ZFPM2: variants seen among roughly 807,000 people sequenced by gnomAD.
The protein encoded by ZFPM2 is zinc finger protein ZFPM2.
ZFPM2 carries 20 observed loss-of-function variants against 98.6 expected under a neutral mutation model. That is an observed-to-expected ratio of 0.20 (90% CI 0.14 to 0.29). The LOEUF is 0.29. Among genes scored for constraint, ZFPM2 ranks in the 10% least tolerant of loss-of-function variants. The pLI, the probability that ZFPM2 is intolerant of heterozygous loss-of-function variation, is 1.00. For missense variants in ZFPM2, 1,310 were observed against 1,388.6 expected (o/e 0.94, Z 0.90); for synonymous variants, 518 against 502.7 (o/e 1.03, Z -0.41).
rs1814019918 is a variant in ZFPM2 at position 105,801,640 on chromosome 8, A to G, written c.1558A>G (p.Met520Val). ...VPQASEILAK[M>V]SELVHRRLRH... ...TCAAGCTTCAGAGATCTTAGCTAAGATGTCTGAACTGGTGCATCGGCGACT... is the reference window on the plus strand; with the variant it reads ...TCAAGCTTCAGAGATCTTAGCTAAGGTGTCTGAACTGGTGCATCGGCGACT... The change falls in exon 8 of 8, where the codon ATG becomes GTG. Residue 520 changes from methionine (M) to valine (V), a missense_variant. Physicochemically the swap from Met to Val is conservative, Grantham distance 21 (BLOSUM62 1). Transcript: ENST00000407775. 6.2e-7 allele frequency: 1 copy of G among 1,613,458 alleles called. No homozygotes were observed. The highest frequency in any genetic ancestry group is 1.3e-5 in the African/African-American group (1 of 74,840).
Position 105,355,830 on chromosome 8 carries a change from G to A in ZFPM2, c.40+36849G>A, listed in dbSNP as rs78596460. On this transcript the variant is annotated intron_variant, in intron 1 of 7. Transcript: ENST00000407775. ...AGCATATTTTATAAATTTCAGGTAC[G>A]AACTTAATTATAATAATCACAATGC... is the stretch of plus-strand genomic sequence containing the variant. Among the ~76,000 whole-genome samples the A allele has an allele frequency of 4.8e-3, 725 of 152,248 alleles. 2 individuals carry two copies. Among genetic ancestry groups the A allele is most frequent in the Middle Eastern group, 0.01 (3 of 294 alleles).
At chr8:105,576,600 C>T (rs1815473299) in intron 4 of ZFPM2, among the ~76,000 whole-genome samples, 1 of 152,112 alleles carries the variant, frequency 6.6e-6, no homozygotes, top group Admixed American at 6.6e-5. Context: ...AGTGACACAT[C>T]CTGTCATATT....
intron 3 of ZFPM2, 23 bp downstream of exon 3, chr8:105,444,404 C>T: frequency 6.4e-7 from 1 of 1,566,412 alleles, no homozygotes; most frequent in Non-Finnish European, 8.7e-7. Context: ...ATTTAAAATT[C>T]AACCGTCTTT....
At chr8:105,585,366 G>T (rs557641659) in intron 4 of ZFPM2, among the ~76,000 whole-genome samples, 5 of 152,154 alleles carry the variant, frequency 3.3e-5, no homozygotes, top group African/African-American at 1.2e-4. Flanking sequence ...GCACTTTCTG[G>T]TTTCCTCTCT....
rs1813693070 is a variant in ZFPM2, at chr8:105,793,597, G to A, written c.739+4673G>A. Among the ~76,000 whole-genome samples the A allele has an allele frequency of 2.0e-5, 3 of 152,046 alleles. 1 individual carries two copies. Among genetic ancestry groups the A allele is most frequent in the Non-Finnish European group, 4.4e-5 (3 of 68,026 alleles). Reference sequence around the variant, plus strand: ...GCTCTTCTCAAGGAGAATCTTTGTGGTGTTCTCTGTATTTCCTGAATCTGA... The same window carrying A: ...GCTCTTCTCAAGGAGAATCTTTGTGATGTTCTCTGTATTTCCTGAATCTGA... On this transcript the variant is annotated intron_variant, in intron 6 of 7. Transcript: ENST00000407775.
chr8:105,459,833 T>C (rs753671952), intron 3 of ZFPM2, among the ~76,000 whole-genome samples: 19 of 152,082 alleles, frequency 1.2e-4, no homozygotes, highest in Admixed American at 2.6e-4. Flanking sequence ...CCTCAATATA[T>C]GAGTTTTGGG....
chr8:105,536,192 A>G (rs1467786011), intron 3 of ZFPM2, among the ~76,000 whole-genome samples: 1 of 152,158 alleles, frequency 6.6e-6, no homozygotes, highest in Non-Finnish European at 1.5e-5. Context: ...ACTTCTAAAG[A>G]CACCGGGTCA....
intron 1 of ZFPM2, among the ~76,000 whole-genome samples, chr8:105,338,995 A>G (rs1388168222): frequency 6.6e-6 from 1 of 151,818 alleles, no homozygotes; most frequent in East Asian, 1.9e-4. Context: ...ATCTCTCAGG[A>G]CTGGGGTTAG....
intron 4 of ZFPM2, among the ~76,000 whole-genome samples, chr8:105,578,980 G>A (rs1425684283): frequency 6.6e-6 from 1 of 151,934 alleles, no homozygotes; most frequent in Admixed American, 6.6e-5. Context: ...TATTCTGTGC[G>A]TTCTTATTTA....
At chr8:105,658,214 A>G (rs1379256881) in intron 5 of ZFPM2, among the ~76,000 whole-genome samples, 1 of 152,194 alleles carries the variant, frequency 6.6e-6, no homozygotes, top group Non-Finnish European at 1.5e-5. Context: ...TCTGCCAGAA[A>G]AGGAAGGACA....
At position 105,318,512 on chromosome 8, in the gene ZFPM2, G is replaced by C. The variant is rs1811950253; in HGVS notation, c.-430G>C. Reference sequence around the variant, plus strand: ...CGTCCCGCACGCCGGGGCGAGGGGCGAGCGAGCGCGCTCCTCCTCCCGCGC... The same window carrying C: ...CGTCCCGCACGCCGGGGCGAGGGGCCAGCGAGCGCGCTCCTCCTCCCGCGC... On this transcript the variant is annotated 5_prime_UTR_variant, in exon 1 of 8. Coordinates refer to ENST00000407775, the MANE Select transcript of ZFPM2 (RefSeq NM_012082.4). Among the ~76,000 whole-genome samples the C allele has an allele frequency of 6.7e-6, 1 of 149,774 alleles. No individual in the cohort carries two copies. The highest frequency in any genetic ancestry group is 6.6e-5 in the Admixed American group (1 of 15,108).
At chr8:105,386,375 A>G (rs1197044044) in intron 1 of ZFPM2, among the ~76,000 whole-genome samples, 2 of 152,142 alleles carry the variant, frequency 1.3e-5, no homozygotes, top group Non-Finnish European at 2.9e-5. Context: ...AGCACTGGCC[A>G]CACTAGTAAT....
intron 3 of ZFPM2, among the ~76,000 whole-genome samples, chr8:105,491,297 C>CAAT (rs1007282873): frequency 1.5e-4 from 22 of 151,688 alleles, no homozygotes; most frequent in East Asian, 3.9e-4. Context: ...TTAAGAAGCA[C>CAAT]AATAATAATA....
At chr8:105,485,514 T>G (rs1194039940) in intron 3 of ZFPM2, among the ~76,000 whole-genome samples, 1 of 152,054 alleles carries the variant, frequency 6.6e-6, no homozygotes, top group Non-Finnish European at 1.5e-5. Flanking sequence ...CGAGACTCTA[T>G]CTCTATAAAA....
chr8:105,452,586 A>C (rs1812506417), intron 3 of ZFPM2, among the ~76,000 whole-genome samples: 1 of 151,790 alleles, frequency 6.6e-6, no homozygotes, highest in Non-Finnish European at 1.5e-5. Context: ...TCATTTCTAC[A>C]AAAAATTAAA....
chr8:105,595,845 T>C (rs565103956), intron 4 of ZFPM2, among the ~76,000 whole-genome samples: 1 of 152,156 alleles, frequency 6.6e-6, no homozygotes, highest in African/African-American at 2.4e-5. Flanking sequence ...TTCTTAGAGC[T>C]TTTTAATCTA....
intron 5 of ZFPM2, chr8:105,780,443 T>C (rs1813213797): frequency 6.6e-6 from 1 of 152,196 alleles, no homozygotes; most frequent in Non-Finnish European, 1.5e-5. Context: ...TAAAACTAAA[T>C]ATAATCAACA....
chr8:105,641,766 T>C (rs1184332507), intron 5 of ZFPM2, among the ~76,000 whole-genome samples: 2 of 152,162 alleles, frequency 1.3e-5, no homozygotes, highest in East Asian at 3.8e-4. Flanking sequence ...AATACATTTG[T>C]TTTTATATCA....
At chr8:105,790,971 C>T (rs1268130460) in intron 6 of ZFPM2, among the ~76,000 whole-genome samples, 1 of 152,184 alleles carries the variant, frequency 6.6e-6, no homozygotes, top group African/African-American at 2.4e-5. Flanking sequence ...AGTTGCTTAT[C>T]AGCTTAAGGA....
Sources: allele counts gnomAD v4.1 joint callset (sites outside exome capture counted in the v4.1 genomes callset), GRCh38; gene constraint gnomAD v4.1.1; transcripts MANE v1.5; gene names NCBI Gene and HGNC (gene_info 2026-07-23, HGNC 2026-07-21).